Variants in TMUB1 observed in about 807,000 individuals in gnomAD.
TMUB1 encodes the protein transmembrane and ubiquitin-like domain-containing protein 1.
TMUB1 carries 9 observed loss-of-function variants against 16.2 expected under a neutral mutation model. The ratio of observed to expected loss-of-function variants is 0.55; its 90% CI spans 0.33 to 0.97. The LOEUF is 0.97. Among genes scored for constraint, TMUB1 ranks in the 50% least tolerant of loss-of-function variants. The pLI is 0.03. For missense variants in TMUB1, 309 were observed against 313.5 expected (o/e 0.99, Z 0.11); for synonymous variants, 155 against 152.2 (o/e 1.02, Z -0.13).
Position 151,082,191 on chromosome 7 carries a change from T to G in TMUB1, c.373A>C (p.Ile125Leu). Residue 125 changes from isoleucine to leucine, a missense_variant, in exon 2 of 3, where the codon ATT (isoleucine) becomes CTT (leucine). Ile to Leu is a conservative substitution (Grantham distance 5). Coordinates refer to ENST00000297533, the MANE Select transcript of TMUB1 (RefSeq NM_001136044.2). The surrounding 1 kb of genome is among the most constrained non-coding windows in gnomAD (Gnocchi z 7.0). Reference protein sequence around the residue: ...QVARAWPHDTIGSLKRTQFPG... With the variant: ...QVARAWPHDTLGSLKRTQFPG... ...CCTACTTACCTTTTCAAGGAGCCAA[T>G]GGTGTCGTGGGGCCAGGCCCTGGCC... is the stretch of plus-strand genomic sequence containing the variant. 6.6e-7 allele frequency: 1 copy of G among 1,511,366 alleles called. No homozygotes were observed. Among genetic ancestry groups the G allele is most frequent in the Non-Finnish European group, 8.9e-7 (1 of 1,128,660 alleles). The allele number at this position is 1,511,366 out of a possible 1,614,324, so 93.6% of individuals were successfully genotyped here.
rs11977913 is a variant in TMUB1, at chr7:151,081,094, C to T, written c.*455G>A. The stretch of plus-strand genomic sequence containing the variant: ...AGACACACTGCAAGAGTGAAAACTT[C>T]ACAGTTACTTTAATCTGCACGGGTT... On this transcript the variant is annotated 3_prime_UTR_variant, in exon 3 of 3. Transcript: ENST00000297533. This position sits in a 1 kb window ranked among gnomAD's most constrained non-coding sequence, Gnocchi z 7.6. 9.4e-3 allele frequency: 2,701 copies of T among 286,258 alleles called. 60 individuals carry two copies. The highest frequency in any genetic ancestry group is 0.053 in the African/African-American group (2,410 of 45,850). 17.7% of individuals were successfully genotyped at this position (286,258 alleles called of 1,614,324 possible).
chr7:151,082,029 C>T lies in TMUB1; in HGVS notation c.390-129G>A. On this transcript the variant is annotated intron_variant, in intron 2 of 2. Coordinates refer to ENST00000297533, the MANE Select transcript of TMUB1 (RefSeq NM_001136044.2). This position sits in a 1 kb window ranked among gnomAD's most constrained non-coding sequence, Gnocchi z 7.0. ...GCCCTGGCCTGGGAGGGGCCGTCTG[C>T]CAGGGGAACAAGTACAGTTGTGATC... is the stretch of plus-strand genomic sequence containing the variant. 7.1e-7 allele frequency: 1 copy of T among 1,399,734 alleles called. No homozygotes were observed. Among genetic ancestry groups the T allele is most frequent in the Non-Finnish European group, 9.5e-7 (1 of 1,053,790 alleles). 86.7% of individuals were successfully genotyped at this position (1,399,734 alleles called of 1,614,324 possible). A position where few individuals can be genotyped will look rare whatever the true frequency, so the allele number is the denominator to read the frequency against.
chr7:151,081,807 G>A lies in TMUB1; in HGVS notation c.483C>T (p.Leu161=), dbSNP rs376064427. ...GGCAGTGGAGAACGCAGTTGGGAGG[G>A]AGGTGAAGGCTGCCCAGGGTCTGGG... ...DDTQTLGSLH[L]PPNCVLHCHV... The change falls in exon 3 of 3, where the codon CTC becomes CTT. Residue 161 remains leucine, a synonymous_variant. Coordinates refer to ENST00000297533, the MANE Select transcript of TMUB1 (RefSeq NM_001136044.2). This position sits in a 1 kb window ranked among gnomAD's most constrained non-coding sequence, Gnocchi z 7.6. 15 of 1,577,072 alleles carry A rather than the reference G, an allele frequency of 9.5e-6. 1 individual carries two copies. Among genetic ancestry groups the A allele is most frequent in the Middle Eastern group, 1.7e-4 (1 of 5,960 alleles).
chr7:151,082,379 A>G lies in TMUB1; in HGVS notation c.185T>C (p.Met62Thr). 1 of 1,598,314 alleles carries G rather than the reference A, an allele frequency of 6.3e-7. No homozygotes were observed. The highest frequency in any genetic ancestry group is 8.5e-7 in the Non-Finnish European group (1 of 1,172,496). ...PSAAMAATDS[M>T]RGEAPGAETP... ...CTCTGCCCCTGGGGCCTCCCCTCTC[A>G]TGCTGTCGGTAGCTGCCATGGCTGC... Residue 62 changes from methionine to threonine, a missense_variant, in exon 2 of 3, where the codon ATG (methionine) becomes ACG (threonine). Physicochemically the swap from Met to Thr is moderately conservative, Grantham distance 81. Transcript: ENST00000297533. This position sits in a 1 kb window ranked among gnomAD's most constrained non-coding sequence, Gnocchi z 7.0.
Position 151,081,845 on chromosome 7 carries a change from G to A in TMUB1, c.445C>T (p.Leu149=). ...QVRLIYQGQL[L]GDDTQTLGSL... is the part of the protein sequence containing the mutation. Reference sequence around the variant, plus strand: ...CCCAGGGTCTGGGTGTCGTCGCCTAGCAGCTGCCCTTGGTAGATGAGTCGC... The same window carrying A: ...CCCAGGGTCTGGGTGTCGTCGCCTAACAGCTGCCCTTGGTAGATGAGTCGC... The change falls in exon 3 of 3, where the codon CTA becomes TTA. Residue 149 remains leucine (L), a synonymous_variant. Transcript: ENST00000297533. The surrounding 1 kb of genome is among the most constrained non-coding windows in gnomAD (Gnocchi z 7.6). 3.3e-6 allele frequency: 5 copies of A among 1,525,568 alleles called. No individual in the cohort carries two copies. The highest frequency in any genetic ancestry group is 3.5e-6 in the Non-Finnish European group (4 of 1,135,432). The allele number at this position is 1,525,568 out of a possible 1,614,324, so 94.5% of individuals were successfully genotyped here.
In TMUB1 at chr7:151,081,852, C is replaced by T. The variant is rs1426108020; in HGVS notation, c.438G>A (p.Gly146=). ...TCTGGGTGTCGTCGCCTAGCAGCTG[C>T]CCTTGGTAGATGAGTCGCACCTGCT... is the stretch of plus-strand genomic sequence containing the variant. ...REQQVRLIYQ[G]QLLGDDTQTL... The change falls in exon 3 of 3, where the codon GGG becomes GGA. Residue 146 remains glycine (G), a synonymous_variant. Transcript: ENST00000297533. This position sits in a 1 kb window ranked among gnomAD's most constrained non-coding sequence, Gnocchi z 7.6. 1 of 1,519,078 alleles carries T rather than the reference C, an allele frequency of 6.6e-7. No homozygotes were observed. Among genetic ancestry groups the T allele is most frequent in the African/African-American group, 1.4e-5 (1 of 72,464 alleles). The allele number at this position is 1,519,078 out of a possible 1,614,324, so 94.1% of individuals were successfully genotyped here.
At position 151,081,936 on chromosome 7, in the gene TMUB1, T is replaced by C. The variant is rs368383698; in HGVS notation, c.390-36A>G. 6 of 1,455,200 alleles carry C rather than the reference T, an allele frequency of 4.1e-6. No individual in the cohort carries two copies. Among genetic ancestry groups the C allele is most frequent in the Non-Finnish European group, 5.4e-6 (6 of 1,105,574 alleles). 90.1% of individuals were successfully genotyped at this position (1,455,200 alleles called of 1,614,324 possible). On this transcript the variant is annotated intron_variant, in intron 2 of 2. Coordinates refer to ENST00000297533, the MANE Select transcript of TMUB1 (RefSeq NM_001136044.2). The surrounding 1 kb of genome is among the most constrained non-coding windows in gnomAD (Gnocchi z 7.6). ...AGGGACCTGGGTAAGAGAGCAGGCC[T>C]CAGGCAATCCTAGTCCCTGGCCCCG...
Position 151,081,642 on chromosome 7 carries a change from C to G in TMUB1, c.648G>C (p.Gln216His), listed in dbSNP as rs1797990310. ...CGGTCAGGGGAAAGAAGGGCCGGTA[C>G]TGGATCTGGCAGTACCAGAGCAGCA... is the stretch of plus-strand genomic sequence containing the variant. The part of the protein sequence containing the change: ...LLLLLWYCQI[Q>H]YRPFFPLTAT... The change falls in exon 3 of 3, where the codon CAG becomes CAC. Residue 216 changes from glutamine to histidine, a missense_variant. Physicochemically the swap from Gln to His is conservative, Grantham distance 24 (BLOSUM62 0). Transcript: ENST00000297533. The surrounding 1 kb of genome is among the most constrained non-coding windows in gnomAD (Gnocchi z 7.6). 1.3e-6 allele frequency: 2 copies of G among 1,599,984 alleles called. No homozygotes were observed. Among genetic ancestry groups the G allele is most frequent in the Admixed American group, 1.7e-5 (1 of 58,292 alleles).
chr7:151,082,719 C>T lies in TMUB1; in HGVS notation c.-30-126G>A, dbSNP rs1014869005. ...TCCTCAGCCTCCGTCCCCTCACCCA[C>T]CCCAGGGTACCGGCTTCTCTGCCTC... On this transcript the variant is annotated intron_variant, in intron 1 of 2. Coordinates refer to ENST00000297533, the MANE Select transcript of TMUB1 (RefSeq NM_001136044.2). This position sits in a 1 kb window ranked among gnomAD's most constrained non-coding sequence, Gnocchi z 7.0. 1.4e-6 allele frequency: 1 copy of T among 721,350 alleles called. No homozygotes were observed. The highest frequency in any genetic ancestry group is 2.0e-6 in the Non-Finnish European group (1 of 512,534). 44.7% of individuals were successfully genotyped at this position (721,350 alleles called of 1,614,324 possible). A position where few individuals can be genotyped will look rare whatever the true frequency, so the allele number is the denominator to read the frequency against.
rs1798040830 is a variant in TMUB1, at chr7:151,083,048, C to A, written c.-31+386G>T. 1 of 153,340 alleles carries A rather than the reference C, an allele frequency of 6.5e-6. No homozygotes were observed. Among genetic ancestry groups the A allele is most frequent in the East Asian group, 1.9e-4 (1 of 5,224 alleles). The allele number at this position is 153,340 out of a possible 1,614,324, so 9.5% of individuals were successfully genotyped here. A position where few individuals can be genotyped will look rare whatever the true frequency, so the allele number is the denominator to read the frequency against. ...GGGGTAGAGCCTCTGTGCCCCCACC[C>A]CCGCCCCCCGCGTTACGGTTCACCT... On this transcript the variant is annotated intron_variant, in intron 1 of 2. Transcript: ENST00000297533. This position sits in a 1 kb window ranked among gnomAD's most constrained non-coding sequence, Gnocchi z 5.9.
chr7:151,082,134 C>G lies in TMUB1; in HGVS notation c.389+41G>C, dbSNP rs754064689. ...GGGCCTTCTGCGACCACTCTCCCAA[C>G]CCCTGTCTTTAGCATTGCTCCTGCC... On this transcript the variant is annotated intron_variant, in intron 2 of 2. Transcript: ENST00000297533. The surrounding 1 kb of genome is among the most constrained non-coding windows in gnomAD (Gnocchi z 7.0). The G allele has an allele frequency of 3.3e-6, 5 of 1,496,250 alleles. No individual in the cohort carries two copies. The Admixed American group carries it at 1.2e-4, about 36-fold the overall frequency. The allele number at this position is 1,496,250 out of a possible 1,614,324, so 92.7% of individuals were successfully genotyped here. A position where few individuals can be genotyped will look rare whatever the true frequency, so the allele number is the denominator to read the frequency against.
chr7:151,082,627 C>T lies in TMUB1; in HGVS notation c.-30-34G>A, dbSNP rs1011967991. The T allele has an allele frequency of 2.1e-6, 3 of 1,435,786 alleles. No individual in the cohort carries two copies. Among genetic ancestry groups the T allele is most frequent in the Non-Finnish European group, 2.7e-6 (3 of 1,091,598 alleles). 88.9% of individuals were successfully genotyped at this position (1,435,786 alleles called of 1,614,324 possible). On this transcript the variant is annotated intron_variant, in intron 1 of 2. Coordinates refer to ENST00000297533, the MANE Select transcript of TMUB1 (RefSeq NM_001136044.2). This position sits in a 1 kb window ranked among gnomAD's most constrained non-coding sequence, Gnocchi z 7.0. ...GCACAAAGAGCCCGTGAGGCCCGGG[C>T]CCCCTGGCCAGGAGCCCTGGAACCT... is the stretch of plus-strand genomic sequence containing the variant.
rs1443908712 is a variant in TMUB1, at chr7:151,082,559, G to A, written c.5C>T (p.Thr2Ile). The change falls in exon 2 of 3, where the codon ACC becomes ATC. Residue 2 changes from threonine (T) to isoleucine (I), a missense_variant. By Grantham distance (89) the Thr-to-Ile change is moderately conservative. Coordinates refer to ENST00000297533, the MANE Select transcript of TMUB1 (RefSeq NM_001136044.2). The surrounding 1 kb of genome is among the most constrained non-coding windows in gnomAD (Gnocchi z 7.0). ...CTCATCACCCACCCCTTCAATCAGG[G>A]TCATGGCGCCTGCCTTGCCCGCCGC... is the stretch of plus-strand genomic sequence containing the variant. Reference protein sequence around the residue: MTLIEGVGDEVT... With the variant: MILIEGVGDEVT... 7 of 1,494,614 alleles carry A rather than the reference G, an allele frequency of 4.7e-6. No homozygotes were observed. The highest frequency in any genetic ancestry group is 6.2e-6 in the Non-Finnish European group (7 of 1,120,930). The allele number at this position is 1,494,614 out of a possible 1,614,324, so 92.6% of individuals were successfully genotyped here.
In TMUB1 at chr7:151,082,139, G is replaced by A. The variant is rs1798009924; in HGVS notation, c.389+36C>T. On this transcript the variant is annotated intron_variant, in intron 2 of 2. Coordinates refer to ENST00000297533, the MANE Select transcript of TMUB1 (RefSeq NM_001136044.2). This position sits in a 1 kb window ranked among gnomAD's most constrained non-coding sequence, Gnocchi z 7.0. Reference sequence around the variant, plus strand: ...TTCTGCGACCACTCTCCCAACCCCTGTCTTTAGCATTGCTCCTGCCTCTTG... The same window carrying A: ...TTCTGCGACCACTCTCCCAACCCCTATCTTTAGCATTGCTCCTGCCTCTTG... 6.7e-7 allele frequency: 1 copy of A among 1,496,468 alleles called. No individual in the cohort carries two copies. The allele number at this position is 1,496,468 out of a possible 1,614,324, so 92.7% of individuals were successfully genotyped here.
Position 151,081,568 on chromosome 7 carries a change from AAGGCCAGGAGACTG to A in TMUB1, c.708_721del (p.Ser237CysfsTer122). 6.2e-7 allele frequency: 1 copy of A among 1,604,032 alleles called. No homozygotes were observed. The highest frequency in any genetic ancestry group is 8.5e-7 in the Non-Finnish European group (1 of 1,175,838). On this transcript the variant is annotated frameshift_variant, in exon 3 of 3. Transcript: ENST00000297533. LOFTEE classifies it high-confidence loss of function. The surrounding 1 kb of genome is among the most constrained non-coding windows in gnomAD (Gnocchi z 7.6). Reference sequence around the variant, plus strand: ...GAGGCACTACGGGCGGTACATGGCAAAGGCCAGGAGACTGAGGAGCAGGGTGAAGCCGGCCAGGC... The same window carrying A: ...GAGGCACTACGGGCGGTACATGGCAAAGGAGCAGGGTGAAGCCGGCCAGGC...
At position 151,081,461 on chromosome 7, in the gene TMUB1, G is replaced by T. The variant is rs1028537413; in HGVS notation, c.*88C>A. 7.2e-7 allele frequency: 1 copy of T among 1,397,602 alleles called. No homozygotes were observed. Among genetic ancestry groups the T allele is most frequent in the Non-Finnish European group, 9.3e-7 (1 of 1,077,336 alleles). 86.6% of individuals were successfully genotyped at this position (1,397,602 alleles called of 1,614,324 possible). ...CGGCGGGAAGAGGCAGGCCGGAGAG[G>T]CGGGCCTGGGCAGGCAGCAGCTCCC... is the stretch of plus-strand genomic sequence containing the variant. On this transcript the variant is annotated 3_prime_UTR_variant, in exon 3 of 3. Coordinates refer to ENST00000297533, the MANE Select transcript of TMUB1 (RefSeq NM_001136044.2). The surrounding 1 kb of genome is among the most constrained non-coding windows in gnomAD (Gnocchi z 7.6).
chr7:151,082,675 C>T lies in TMUB1; in HGVS notation c.-30-82G>A. 8.8e-7 allele frequency: 1 copy of T among 1,136,376 alleles called. No individual in the cohort carries two copies. The highest frequency in any genetic ancestry group is 1.2e-6 in the Non-Finnish European group (1 of 869,184). The allele number at this position is 1,136,376 out of a possible 1,614,324, so 70.4% of individuals were successfully genotyped here. A position where few individuals can be genotyped will look rare whatever the true frequency, so the allele number is the denominator to read the frequency against. ...CCTCCACAGGGTCCTGCCCTCACCC[C>T]ACCGCGACGCTCCCACCGTCCTCAG... is the stretch of plus-strand genomic sequence containing the variant. On this transcript the variant is annotated intron_variant, in intron 1 of 2. Transcript: ENST00000297533. The surrounding 1 kb of genome is among the most constrained non-coding windows in gnomAD (Gnocchi z 7.0).
rs552241949 is a variant in TMUB1 at position 151,081,250 on chromosome 7, C to CCCCGGGGCGGCCCGGCTCTG, written c.*279_*298dup. 6 of 230,522 alleles carry CCCCGGGGCGGCCCGGCTCTG rather than the reference C, an allele frequency of 2.6e-5. No individual in the cohort carries two copies. The South Asian group carries it at 1.0e-3, about 39-fold the overall frequency. 14.3% of individuals were successfully genotyped at this position (230,522 alleles called of 1,614,324 possible). A position where few individuals can be genotyped will look rare whatever the true frequency, so the allele number is the denominator to read the frequency against. ...CCTCCGGCAGAACACTAAGACGGGCCCCCGGGGCGGCCCGGCTCTGCCCGG... is the reference window on the plus strand; with the variant it reads ...CCTCCGGCAGAACACTAAGACGGGCCCCCGGGGCGGCCCGGCTCTGCCCGGGGCGGCCCGGCTCTGCCCGG... On this transcript the variant is annotated 3_prime_UTR_variant, in exon 3 of 3. Coordinates refer to ENST00000297533, the MANE Select transcript of TMUB1 (RefSeq NM_001136044.2). This position sits in a 1 kb window ranked among gnomAD's most constrained non-coding sequence, Gnocchi z 7.6.
chr7:151,081,609 C>T lies in TMUB1; in HGVS notation c.681G>A (p.Leu227=), dbSNP rs756173262. 6.2e-7 allele frequency: 1 copy of T among 1,608,150 alleles called. No individual in the cohort carries two copies. The highest frequency in any genetic ancestry group is 1.3e-5 in the African/African-American group (1 of 74,860). Residue 227 remains leucine (L), a synonymous_variant, in exon 3 of 3, where the codon CTG becomes CTA. Transcript: ENST00000297533. This position sits in a 1 kb window ranked among gnomAD's most constrained non-coding sequence, Gnocchi z 7.6. ...YRPFFPLTAT[L]GLAGFTLLLS... Reference sequence around the variant, plus strand: ...GGAGCAGGGTGAAGCCGGCCAGGCCCAGAGTGGCGGTCAGGGGAAAGAAGG... The same window carrying T: ...GGAGCAGGGTGAAGCCGGCCAGGCCTAGAGTGGCGGTCAGGGGAAAGAAGG...
Sources: gnomAD v4.1 joint callset for allele counts on GRCh38, gnomAD v4.1.1 for gene constraint, Gnocchi (gnomAD v3.1) non-coding constraint, MANE v1.5 for transcripts, NCBI Gene and HGNC (gene_info 2026-07-23, HGNC 2026-07-21) for gene names.